SLC35F4: variants seen among roughly 807,000 people sequenced by gnomAD.
The protein encoded by SLC35F4 is solute carrier family 35 member F4.
Under a neutral mutation model 44.2 loss-of-function variants are expected in SLC35F4, and 24 were observed. The ratio of observed to expected loss-of-function variants is 0.54; its 90% CI spans 0.39 to 0.76. SLC35F4 has a LOEUF of 0.76. Ranked by LOEUF, SLC35F4 falls within the 30% of genes least tolerant of loss-of-function variation. SLC35F4 has a pLI of 0.00. For synonymous variants in SLC35F4, 238 were observed against 223.6 expected, an observed-to-expected ratio of 1.06 and a Z score of -0.57; for missense variants, 562 against 586.1, an observed-to-expected ratio of 0.96 and a Z score of 0.42.
chr14:57,670,814 T>G (rs1312406900), intron 1 of SLC35F4, among the ~76,000 whole-genome samples: 1 of 151,900 alleles, frequency 6.6e-6, no homozygotes, highest in African/African-American at 2.4e-5. Flanking sequence ...ATTCTATTAA[T>G]TCATACTGAA....
chr14:57,669,025 C>G (rs560992755), intron 1 of SLC35F4, among the ~76,000 whole-genome samples: 1 of 152,114 alleles, frequency 6.6e-6, no homozygotes, highest in East Asian at 1.9e-4. Context: ...GTTTGTAGTT[C>G]TCCTTGAAGA....
intron 1 of SLC35F4, among the ~76,000 whole-genome samples, chr14:57,792,319 A>G (rs1159153703): frequency 6.6e-6 from 1 of 152,178 alleles, no homozygotes; most frequent in East Asian, 1.9e-4. Flanking sequence ...TAGGAATGTA[A>G]ACTAGTGCAG....
chr14:57,590,675 C>T (rs1164942088), intron 2 of SLC35F4, among the ~76,000 whole-genome samples: 4 of 152,066 alleles, frequency 2.6e-5, no homozygotes, highest in African/African-American at 7.2e-5. Flanking sequence ...TAAACAGGAG[C>T]GGAGGTCATT....
At chr14:57,843,918 A>G (rs950517013) in intron 1 of SLC35F4, among the ~76,000 whole-genome samples, 2 of 152,104 alleles carry the variant, frequency 1.3e-5, no homozygotes, top group African/African-American at 4.8e-5. Flanking sequence ...ATATAGAGAG[A>G]GTCATCTGCG....
intron 1 of SLC35F4, among the ~76,000 whole-genome samples, chr14:57,926,273 A>T (rs945915368): frequency 6.6e-6 from 1 of 152,212 alleles, no homozygotes; most frequent in African/African-American, 2.4e-5. Flanking sequence ...CACGTGCTCT[A>T]CAAATGTTTG....
chr14:57,610,218 A>T (rs1330117283), intron 1 of SLC35F4, among the ~76,000 whole-genome samples: 1 of 152,212 alleles, frequency 6.6e-6, no homozygotes, highest in African/African-American at 2.4e-5. Flanking sequence ...TAGGGAAAAG[A>T]GACTGAAAAA....
At chr14:57,607,615 G>T (rs951265652) in intron 1 of SLC35F4, among the ~76,000 whole-genome samples, 2 of 152,088 alleles carry the variant, frequency 1.3e-5, no homozygotes, top group African/African-American at 4.8e-5. Context: ...CACCAATCTC[G>T]GCCAATGCCC....
chr14:57,684,677 T>C (rs191589165), intron 1 of SLC35F4, among the ~76,000 whole-genome samples: 1 of 152,308 alleles, frequency 6.6e-6, no homozygotes, highest in Admixed American at 6.5e-5. Context: ...TGAAGAGCTC[T>C]TCCTGGCCTC....
chr14:57,947,120 T>C (rs1890049424), intron 1 of SLC35F4, among the ~76,000 whole-genome samples: 2 of 152,222 alleles, frequency 1.3e-5, no homozygotes, highest in Admixed American at 1.3e-4. Flanking sequence ...AAGCATGGGA[T>C]ATGTTTCCAT....
At chr14:57,920,206 T>C (rs17733086) in intron 1 of SLC35F4, among the ~76,000 whole-genome samples, 1 of 152,230 alleles carries the variant, frequency 6.6e-6, no homozygotes, top group Admixed American at 6.5e-5. Flanking sequence ...GTGGGTTTAC[T>C]CTGCGTTGCC....
intron 1 of SLC35F4, among the ~76,000 whole-genome samples, chr14:57,892,806 T>A (rs1888798577): frequency 6.6e-6 from 1 of 152,126 alleles, no homozygotes; most frequent in African/African-American, 2.4e-5. Flanking sequence ...GATCTCTAGG[T>A]CATTTTCTTT....
intron 6 of SLC35F4, among the ~76,000 whole-genome samples, chr14:57,567,449 G>A (rs1279420058): frequency 2.0e-5 from 3 of 152,186 alleles, no homozygotes; most frequent in Non-Finnish European, 4.4e-5. Context: ...AGTTCTAGAA[G>A]CATTCGAATA....
At chr14:57,594,757 A>G (rs938056559) in intron 1 of SLC35F4, among the ~76,000 whole-genome samples, 4 of 152,126 alleles carry the variant, frequency 2.6e-5, no homozygotes, top group Admixed American at 6.6e-5. Context: ...CTGACTATAC[A>G]CTTTTCCATG....
intron 1 of SLC35F4, among the ~76,000 whole-genome samples, chr14:57,610,433 T>C (rs1265118182): frequency 6.6e-6 from 1 of 152,138 alleles, no homozygotes; most frequent in Non-Finnish European, 1.5e-5. Flanking sequence ...GCGCGGGGTC[T>C]GTGAAGGCAA....
intron 1 of SLC35F4, among the ~76,000 whole-genome samples, chr14:57,890,852 T>C (rs573549674): frequency 1.3e-5 from 2 of 152,286 alleles, no homozygotes; most frequent in South Asian, 4.1e-4. Flanking sequence ...AAATGAAAGA[T>C]TTGAATATAA....
chr14:57,684,648 C>T (rs1035791065), intron 1 of SLC35F4, among the ~76,000 whole-genome samples: 1 of 152,188 alleles, frequency 6.6e-6, no homozygotes, highest in Admixed American at 6.5e-5. Context: ...GGGTTTGGAA[C>T]CTCTGCCCTA....
chr14:57,790,067 C>T (rs928994398), intron 1 of SLC35F4, among the ~76,000 whole-genome samples: 1 of 152,158 alleles, frequency 6.6e-6, no homozygotes, highest in Non-Finnish European at 1.5e-5. Flanking sequence ...TGGAAGGATT[C>T]CCTTTGAAAA....
chr14:57,659,882 G>T (rs887000463), intron 1 of SLC35F4, among the ~76,000 whole-genome samples: 1 of 152,156 alleles, frequency 6.6e-6, no homozygotes, highest in Non-Finnish European at 1.5e-5. Flanking sequence ...GAGCAGATCT[G>T]GTGTAAAAAT....
chr14:57,743,269 A>G (rs922332585), intron 1 of SLC35F4, among the ~76,000 whole-genome samples: 5 of 152,182 alleles, frequency 3.3e-5, no homozygotes, highest in Non-Finnish European at 5.9e-5. Context: ...CCTTCAAAAA[A>G]TCAATGAATC....
Sources: allele counts gnomAD v4.1 joint callset (sites outside exome capture counted in the v4.1 genomes callset), GRCh38; gene constraint gnomAD v4.1.1; transcripts MANE v1.5; gene names NCBI Gene and HGNC (gene_info 2026-07-23, HGNC 2026-07-21).